Variants in CCDC12 observed in about 807,000 individuals in gnomAD.
The protein encoded by CCDC12 is coiled-coil domain containing 12.
In CCDC12, 28 loss-of-function variants were observed where a neutral mutation model predicts 25.7. The observed-to-expected ratio is 1.09, with a 90% confidence interval of 0.81 to 1.50. The LOEUF (loss-of-function observed/expected upper bound fraction) is 1.50, where lower values mean the gene tolerates loss of function less well. Among genes scored for constraint, CCDC12 ranks in the 40% most tolerant of loss-of-function variants. The pLI is 0.00. For missense variants in CCDC12, 198 were observed against 210.0 expected (o/e 0.94, Z 0.35); for synonymous variants, 75 against 87.7 (o/e 0.86, Z 0.81).
chr3:46,972,079 G>A (rs2034819835), intron 1 of CCDC12, among the ~76,000 whole-genome samples: 1 of 152,022 alleles, frequency 6.6e-6, no homozygotes, highest in African/African-American at 2.4e-5. Flanking sequence ...AATCACTCAA[G>A]AACTATAGGG....
chr3:46,964,381 G>A (rs1300123543), intron 1 of CCDC12, among the ~76,000 whole-genome samples: 16 of 151,274 alleles, frequency 1.1e-4, no homozygotes, highest in East Asian at 7.9e-4. Context: ...GGTGGGGGGC[G>A]CTTCTGCCCG....
At chr3:46,931,992 A>G (rs191434070) in intron 2 of CCDC12, among the ~76,000 whole-genome samples, 28 of 152,288 alleles carry the variant, frequency 1.8e-4, no homozygotes, top group Middle Eastern at 3.4e-3. Flanking sequence ...CTTGTCCCCA[A>G]TATAAATAAC....
chr3:46,953,756 T>A (rs1384318702), intron 1 of CCDC12, among the ~76,000 whole-genome samples: 1 of 151,258 alleles, frequency 6.6e-6, no homozygotes, highest in Non-Finnish European at 1.5e-5. Context: ...CAGTAGCAAA[T>A]GCAGCAGCCA....
chr3:46,966,333 C>T (rs556282909), intron 1 of CCDC12, among the ~76,000 whole-genome samples: 2 of 152,084 alleles, frequency 1.3e-5, no homozygotes, highest in Non-Finnish European at 2.9e-5. Context: ...GACAACATGG[C>T]GAAACCCCAT....
chr3:46,963,774 C>G (rs1433325492), intron 1 of CCDC12, among the ~76,000 whole-genome samples: 3 of 152,250 alleles, frequency 2.0e-5, no homozygotes, highest in East Asian at 1.9e-4. Context: ...GGTGCCCAGG[C>G]TGGAGTGCAG....
chr3:46,928,018 GCAGGTGGATCACTTTAGGT>G (rs1158630874), intron 2 of CCDC12, among the ~76,000 whole-genome samples: 1 of 152,192 alleles, frequency 6.6e-6, no homozygotes, highest in Non-Finnish European at 1.5e-5. Context: ...CCTTATAAAA[GCAGGTGGATCACTTTAGGT>G]CAGGAGTTTG....
chr3:46,932,361 T>C (rs1174785291), intron 2 of CCDC12, among the ~76,000 whole-genome samples: 1 of 152,162 alleles, frequency 6.6e-6, no homozygotes, highest in Non-Finnish European at 1.5e-5. Context: ...AGGGATGTTT[T>C]TGTTTGGTGG....
rs1252540124 is a variant in CCDC12, at chr3:46,922,243, C to T, written c.411G>A (p.Glu137=). 6.2e-7 allele frequency: 1 copy of T among 1,614,296 alleles called. No homozygotes were observed. Among genetic ancestry groups the T allele is most frequent in the East Asian group, 2.2e-5 (1 of 44,892 alleles). ...CCCAGGCACTGCACTTACGGATCAG[C>T]TCGGCAATGGCCCTCTGAGTCCGCT... ...LKKRTQRAIA[E]LIRERLKGQE... is the part of the protein sequence containing the mutation. Residue 137 remains glutamate (E), a synonymous_variant, in exon 6 of 7, where the codon GAG becomes GAA. Transcript: ENST00000683445.
chr3:46,946,076 T>C (rs1216055818), intron 1 of CCDC12, among the ~76,000 whole-genome samples: 1 of 152,228 alleles, frequency 6.6e-6, no homozygotes, highest in Non-Finnish European at 1.5e-5. Context: ...GTAGTACCAC[T>C]GCTAGAAGCA....
At chr3:46,932,744 C>T (rs1014542668) in intron 2 of CCDC12, among the ~76,000 whole-genome samples, 2 of 152,184 alleles carry the variant, frequency 1.3e-5, no homozygotes, top group Admixed American at 6.5e-5. Context: ...GGAGTGGGAG[C>T]GCCTTTGTGC....
At chr3:46,976,604 C>T (rs2035003069) in intron 1 of CCDC12, 33 bp downstream of exon 1, 1 of 1,595,520 alleles carries the variant, frequency 6.3e-7, no homozygotes, top group Admixed American at 1.7e-5. Flanking sequence ...ACGCTGGACG[C>T]CTCAACTGCG....
intron 2 of CCDC12, chr3:46,940,539 CAA>C (rs1218705208): frequency 6.1e-6 from 1 of 164,636 alleles, no homozygotes. Context: ...AGAGGACGGA[CAA>C]AAGACTGGTC....
intron 2 of CCDC12, among the ~76,000 whole-genome samples, chr3:46,936,721 G>T (rs1452346268): frequency 6.6e-6 from 1 of 151,844 alleles, no homozygotes; most frequent in African/African-American, 2.4e-5. Context: ...CTAAATTAAA[G>T]CAGAAAAAAA....
intron 1 of CCDC12, chr3:46,976,413 C>A: frequency 7.0e-7 from 1 of 1,419,160 alleles, no homozygotes; most frequent in Non-Finnish European, 9.2e-7. Flanking sequence ...ACTGCCTTGC[C>A]CACCCCCGCG....
In CCDC12 at chr3:46,925,468, T is replaced by C; in HGVS notation, c.232A>G (p.Lys78Glu). 6.2e-7 allele frequency: 1 copy of C among 1,612,902 alleles called. No homozygotes were observed. Among genetic ancestry groups the C allele is most frequent in the South Asian group, 1.1e-5 (1 of 90,980 alleles). Reference protein sequence around the residue: ...DLKKRRVPQAKPVAVEEKVKE... With the variant: ...DLKKRRVPQAEPVAVEEKVKE... Reference sequence around the variant, plus strand: ...ACAGCTTGCTTACCTGCAACCGGTTTGGCCTGGGGCACCCTCCTCTTCTTC... The same window carrying C: ...ACAGCTTGCTTACCTGCAACCGGTTCGGCCTGGGGCACCCTCCTCTTCTTC... Residue 78 changes from lysine (K) to glutamate (E), a missense_variant, in exon 3 of 7, where the codon AAA becomes GAA. By Grantham distance (56) the Lys-to-Glu change is moderately conservative. Coordinates refer to ENST00000683445, the MANE Select transcript of CCDC12 (RefSeq NM_001277074.2).
upstream of CCDC12, chr3:46,976,900 C>G: frequency 2.7e-6 from 3 of 1,097,400 alleles, no homozygotes; most frequent in Non-Finnish European, 3.7e-6. Context: ...CTTGCCCCGC[C>G]CCGCCCCGCC....
intron 1 of CCDC12, among the ~76,000 whole-genome samples, chr3:46,950,364 A>G (rs11130109): frequency 6.6e-6 from 1 of 152,164 alleles, no homozygotes; most frequent in Non-Finnish European, 1.5e-5. Context: ...CCAGGCTGGA[A>G]TGCATGGTGC....
intron 1 of CCDC12, among the ~76,000 whole-genome samples, chr3:46,963,600 C>T (rs1489669425): frequency 4.6e-5 from 7 of 152,348 alleles, no homozygotes; most frequent in South Asian, 2.1e-4. Flanking sequence ...CGATCGCAGG[C>T]GCGCGCCGCC....
intron 1 of CCDC12, among the ~76,000 whole-genome samples, chr3:46,962,084 G>T (rs1460795548): frequency 1.3e-5 from 2 of 152,044 alleles, no homozygotes; most frequent in Admixed American, 6.6e-5. Flanking sequence ...GGCCACAAAA[G>T]ATATTAGAAA....
Sources: gnomAD v4.1 joint callset for allele counts (sites outside exome capture counted in the v4.1 genomes callset) on GRCh38, gnomAD v4.1.1 for gene constraint, MANE v1.5 for transcripts, NCBI Gene and HGNC (gene_info 2026-07-23, HGNC 2026-07-21) for gene names.